ADAMTSL1: variants seen among roughly 807,000 people sequenced by gnomAD.
The protein encoded by ADAMTSL1 is ADAMTS-like protein 1.
Under a neutral mutation model 201.8 loss-of-function variants are expected in ADAMTSL1, and 126 were observed. The ratio of observed to expected loss-of-function variants is 0.62; its 90% CI spans 0.54 to 0.72. The LOEUF is 0.72. Among genes scored for constraint, ADAMTSL1 ranks in the 30% least tolerant of loss-of-function variants. The pLI, the probability that ADAMTSL1 is intolerant of heterozygous loss-of-function variation, is 0.00. For synonymous variants in ADAMTSL1, 1,121 were observed against 903.4 expected (o/e 1.24, Z -4.32); for missense variants, 2,679 against 2,277.8 (o/e 1.18, Z -3.59).
At chr9:18,226,571 C>T (rs1308020413) in intron 2 of ADAMTSL1, among the ~76,000 whole-genome samples, 1 of 152,118 alleles carries the variant, frequency 6.6e-6, no homozygotes, top group African/African-American at 2.4e-5. Flanking sequence ...ATTTCAGTTT[C>T]ATTCTTCCTT....
intron 26 of ADAMTSL1, among the ~76,000 whole-genome samples, chr9:18,896,583 T>C (rs1729061246): frequency 6.6e-6 from 1 of 151,984 alleles, no homozygotes; most frequent in Non-Finnish European, 1.5e-5. Context: ...CCATGGAGAA[T>C]GAAGAAAAGC....
At chr9:18,721,750 T>C (rs539785) in intron 15 of ADAMTSL1, 85 bp downstream of exon 15, 1 of 1,503,910 alleles carries the variant, frequency 6.6e-7, no homozygotes, top group Non-Finnish European at 8.9e-7. Flanking sequence ...GTAACACTTA[T>C]TTGTTACTCA....
chr9:18,431,144 G>A (rs1819471828), intron 2 of ADAMTSL1, among the ~76,000 whole-genome samples: 1 of 152,124 alleles, frequency 6.6e-6, no homozygotes, highest in African/African-American at 2.4e-5. Context: ...GTCACCTACT[G>A]GACAATATCC....
At chr9:18,837,852 T>C (rs1170577388) in intron 23 of ADAMTSL1, among the ~76,000 whole-genome samples, 2 of 152,176 alleles carry the variant, frequency 1.3e-5, no homozygotes, top group Non-Finnish European at 2.9e-5. Context: ...ATCCGGTCCC[T>C]CTACCTTATT....
chr9:18,395,895 A>C (rs931629227), intron 2 of ADAMTSL1, among the ~76,000 whole-genome samples: 1 of 152,208 alleles, frequency 6.6e-6, no homozygotes, highest in African/African-American at 2.4e-5. Context: ...ATATACATCA[A>C]AGAGGAAGTA....
At chr9:18,252,862 C>G (rs186901417) in intron 2 of ADAMTSL1, among the ~76,000 whole-genome samples, 1 of 152,116 alleles carries the variant, frequency 6.6e-6, no homozygotes, top group African/African-American at 2.4e-5. Context: ...AATACATATG[C>G]TTTGACTAAG....
intron 13 of ADAMTSL1, among the ~76,000 whole-genome samples, chr9:18,702,172 A>G (rs537348761): frequency 5.3e-5 from 8 of 152,290 alleles, no homozygotes; most frequent in Admixed American, 2.6e-4. Context: ...CCATGATTCA[A>G]TCATCTCCCA....
chr9:18,726,228 C>A lies in ADAMTSL1; in HGVS notation c.2006+4563C>A, dbSNP rs180842228. On this transcript the variant is annotated intron_variant, in intron 15 of 28. Coordinates refer to ENST00000380548, the MANE Select transcript of ADAMTSL1 (RefSeq NM_001040272.6). ...CTTAATACTTAAGCTTCAGTCTGGG[C>A]GTGGTGGCTCACACCTGTAATCCCA... Among the ~76,000 whole-genome samples the A allele has an allele frequency of 8.3e-4, 126 of 152,210 alleles. 1 individual carries two copies. The highest frequency in any genetic ancestry group is 1.4e-3 in the Non-Finnish European group (96 of 68,032).
chr9:18,225,609 G>A (rs928453548), intron 2 of ADAMTSL1, among the ~76,000 whole-genome samples: 3 of 151,970 alleles, frequency 2.0e-5, no homozygotes, highest in Non-Finnish European at 4.4e-5. Context: ...AAAAAACACT[G>A]AACTCTGACT....
At chr9:18,292,252 A>G (rs1022586236) in intron 2 of ADAMTSL1, among the ~76,000 whole-genome samples, 1 of 152,084 alleles carries the variant, frequency 6.6e-6, no homozygotes, top group Non-Finnish European at 1.5e-5. Flanking sequence ...CAAAGTCCAG[A>G]TGATGGGCCA....
At chr9:18,818,327 T>G (rs1334422662) in intron 21 of ADAMTSL1, among the ~76,000 whole-genome samples, 1 of 152,098 alleles carries the variant, frequency 6.6e-6, no homozygotes, top group African/African-American at 2.4e-5. Flanking sequence ...CATGCTTTGG[T>G]GGTTGCTTCA....
intron 4 of ADAMTSL1, among the ~76,000 whole-genome samples, chr9:18,574,728 A>G (rs1392068942): frequency 6.6e-6 from 1 of 152,112 alleles, no homozygotes; most frequent in Non-Finnish European, 1.5e-5. Flanking sequence ...TATAATTTCC[A>G]TTGTATTGAA....
chr9:17,919,070 C>T (rs7038019), intron 1 of ADAMTSL1, among the ~76,000 whole-genome samples: 1,625 of 151,770 alleles, frequency 0.011, 27 homozygotes, highest in African/African-American at 0.037. Context: ...AATGTGATCT[C>T]CTGACTTACC....
intron 2 of ADAMTSL1, among the ~76,000 whole-genome samples, chr9:18,468,295 A>G (rs1236950708): frequency 6.6e-6 from 1 of 152,190 alleles, no homozygotes; most frequent in African/African-American, 2.4e-5. Context: ...GTTCAGTTCA[A>G]TGCTCTGCAA....
intron 1 of ADAMTSL1, among the ~76,000 whole-genome samples, chr9:17,912,154 A>G (rs368026228): frequency 7.6e-4 from 42 of 55,016 alleles, no homozygotes; most frequent in South Asian, 1.9e-3. Flanking sequence ...ATATGTGTGC[A>G]TGTGTCTTTA....
chr9:17,995,082 A>G (rs548128411), intron 1 of ADAMTSL1, among the ~76,000 whole-genome samples: 2 of 152,106 alleles, frequency 1.3e-5, no homozygotes, highest in Non-Finnish European at 2.9e-5. Context: ...GTTTGCCTCC[A>G]TTTTCTTGTT....
chr9:18,758,871 C>T (rs761194754), intron 16 of ADAMTSL1, among the ~76,000 whole-genome samples: 6 of 152,146 alleles, frequency 3.9e-5, no homozygotes, highest in Non-Finnish European at 7.3e-5. Flanking sequence ...AGCACAAGCT[C>T]CTTGAGATTG....
At chr9:17,967,188 C>T (rs1046906291) in intron 1 of ADAMTSL1, among the ~76,000 whole-genome samples, 10 of 152,068 alleles carry the variant, frequency 6.6e-5, no homozygotes, top group South Asian at 2.1e-4. Flanking sequence ...AACAAATACC[C>T]GTACACATTC....
chr9:18,848,630 G>C (rs1826284050), intron 23 of ADAMTSL1, among the ~76,000 whole-genome samples: 1 of 152,098 alleles, frequency 6.6e-6, no homozygotes. Flanking sequence ...GCAGCCTCTT[G>C]GAGCACCCCA....
Sources: gnomAD v4.1 joint callset for allele counts (sites outside exome capture counted in the v4.1 genomes callset) on GRCh38, gnomAD v4.1.1 for gene constraint, MANE v1.5 for transcripts, NCBI Gene and HGNC (gene_info 2026-07-23, HGNC 2026-07-21) for gene names.